Variants in GPR137B observed in about 807,000 individuals in gnomAD.
GPR137B encodes the protein integral membrane protein GPR137B.
GPR137B carries 42 observed loss-of-function variants against 42.5 expected under a neutral mutation model. The ratio of observed to expected loss-of-function variants is 0.99; its 90% CI spans 0.77 to 1.28. The LOEUF (loss-of-function observed/expected upper bound fraction) is 1.28, where lower values mean the gene tolerates loss of function less well. Among genes scored for constraint, GPR137B ranks in the 50% most tolerant of loss-of-function variants. The pLI is 0.00. For synonymous variants in GPR137B, 218 were observed against 209.7 expected (o/e 1.04, Z -0.34); for missense variants, 487 against 493.9 (o/e 0.99, Z 0.13).
chr1:236,190,372 T>C (rs893372167), intron 5 of GPR137B, among the ~76,000 whole-genome samples: 4 of 152,164 alleles, frequency 2.6e-5, no homozygotes, highest in Non-Finnish European at 5.9e-5. Flanking sequence ...GATCCTGACA[T>C]TATGATGTTA....
At chr1:236,149,032 C>T (rs75354573) in intron 1 of GPR137B, among the ~76,000 whole-genome samples, 2,311 of 152,232 alleles carry the variant, frequency 0.015, 54 homozygotes, top group African/African-American at 0.052. Flanking sequence ...TGCTCCTCTC[C>T]TCCCTTAGTT....
intron 2 of GPR137B, among the ~76,000 whole-genome samples, chr1:236,169,515 A>C (rs1662470900): frequency 6.6e-6 from 1 of 152,258 alleles, no homozygotes; most frequent in Admixed American, 6.5e-5. Flanking sequence ...GGCTTAACAC[A>C]AAGGCTTGCA....
intron 2 of GPR137B, among the ~76,000 whole-genome samples, chr1:236,174,643 A>G (rs963959740): frequency 2.6e-5 from 4 of 152,172 alleles, no homozygotes; most frequent in Non-Finnish European, 2.9e-5. Context: ...ATGAAAAGCT[A>G]TGGCACCTTT....
At chr1:236,178,295 C>T in intron 2 of GPR137B, 119 bp from the exon 3 acceptor site, 1 of 659,748 alleles carries the variant, frequency 1.5e-6, no homozygotes, top group Non-Finnish European at 2.7e-6. Flanking sequence ...TGCCAGAGTC[C>T]AAGCTCTTAA....
At position 236,142,942 on chromosome 1, in the gene GPR137B, A is replaced by G. The variant is rs149958426; in HGVS notation, c.320A>G (p.Asn107Ser). 10 of 1,614,068 alleles carry G rather than the reference A, an allele frequency of 6.2e-6. No homozygotes were observed. In the African/African-American group the frequency reaches 8.0e-5, roughly 13 times the overall value. Residue 107 changes from asparagine to serine, a missense_variant, in exon 1 of 7, where the codon AAT becomes AGT. By Grantham distance (46) the Asn-to-Ser change is conservative (BLOSUM62 1). Transcript: ENST00000366592. ...TACTTCAAAGACTTCGTGGCGGCCAATTCGCTCAGCCCCTTCGTCTTCTGG... is the reference window on the plus strand; with the variant it reads ...TACTTCAAAGACTTCGTGGCGGCCAGTTCGCTCAGCCCCTTCGTCTTCTGG... ...SFYFKDFVAA[N>S]SLSPFVFWLL...
chr1:236,192,815 C>T (rs1031005299), intron 5 of GPR137B, among the ~76,000 whole-genome samples: 3 of 152,094 alleles, frequency 2.0e-5, no homozygotes, highest in Non-Finnish European at 4.4e-5. Flanking sequence ...GTTTTTATCG[C>T]TGTATGACAT....
At chr1:236,146,308 C>T (rs1184467273) in intron 1 of GPR137B, among the ~76,000 whole-genome samples, 3 of 152,116 alleles carry the variant, frequency 2.0e-5, no homozygotes, top group Admixed American at 6.5e-5. Flanking sequence ...GTTATTGAAG[C>T]GTCAGGAGAC....
chr1:236,160,182 C>G (rs1174803153), intron 1 of GPR137B, among the ~76,000 whole-genome samples: 1 of 152,212 alleles, frequency 6.6e-6, no homozygotes, highest in Non-Finnish European at 1.5e-5. Flanking sequence ...TCTTCTTTCT[C>G]CTTCAGGCCT....
At chr1:236,203,067 GTTTC>G (rs2102926346) in intron 5 of GPR137B, among the ~76,000 whole-genome samples, 1 of 151,942 alleles carries the variant, frequency 6.6e-6, no homozygotes, top group African/African-American at 2.4e-5. Context: ...CTATGTGTCT[GTTTC>G]TTTTCTTTCT....
intron 5 of GPR137B, among the ~76,000 whole-genome samples, chr1:236,184,932 A>G (rs1223500580): frequency 7.9e-5 from 12 of 152,074 alleles, no homozygotes; most frequent in African/African-American, 2.9e-4. Context: ...ATGCCTGGGT[A>G]ATTTTTGTAT....
chr1:236,178,774 G>C (rs1266798359), intron 3 of GPR137B, 138 bp downstream of exon 3: 4 of 224,578 alleles, frequency 1.8e-5, no homozygotes, highest in Admixed American at 6.9e-5. Context: ...CCCACACAGG[G>C]GCTACTCGAG....
At chr1:236,199,905 G>A (rs991945362) in intron 5 of GPR137B, among the ~76,000 whole-genome samples, 6 of 151,748 alleles carry the variant, frequency 4.0e-5, no homozygotes, top group African/African-American at 1.5e-4. Context: ...TTTGGGTTTG[G>A]TTTGTTCTTG....
chr1:236,199,487 T>C (rs540038471), intron 5 of GPR137B, among the ~76,000 whole-genome samples: 1 of 152,326 alleles, frequency 6.6e-6, no homozygotes, highest in Non-Finnish European at 1.5e-5. Flanking sequence ...TCTTTGAATA[T>C]CTGATAGAAA....
In GPR137B at chr1:236,149,031, C is replaced by G. The variant is rs1423383302; in HGVS notation, c.414+5995C>G. On this transcript the variant is annotated intron_variant, in intron 1 of 6. Coordinates refer to ENST00000366592, the MANE Select transcript of GPR137B (RefSeq NM_003272.4). Reference sequence around the variant, plus strand: ...GTGTCCTGAATCCCTTTGCTCCTCTCCTCCCTTAGTTGAGATTCTCACTGT... The same window carrying G: ...GTGTCCTGAATCCCTTTGCTCCTCTGCTCCCTTAGTTGAGATTCTCACTGT... Among the ~76,000 whole-genome samples the G allele has an allele frequency of 6.6e-5, 10 of 152,140 alleles. No individual in the cohort carries two copies. The South Asian group carries it at 2.1e-3, about 32-fold the overall frequency.
chr1:236,170,973 CAAA>C (rs780390422), intron 2 of GPR137B, among the ~76,000 whole-genome samples: 12 of 83,006 alleles, frequency 1.4e-4, no homozygotes, highest in African/African-American at 1.4e-4. Context: ...GACTCTGTCT[CAAA>C]AAAAAAAAAA....
chr1:236,202,624 A>G lies in GPR137B; in HGVS notation c.967-2502A>G, dbSNP rs140285396. 5.3e-5 allele frequency among the ~76,000 whole-genome samples: 8 copies of G among 152,128 alleles called. No individual in the cohort carries two copies. The East Asian group carries it at 1.5e-3, about 29-fold the overall frequency. ...TTCCCCTCAAAGTATTTATATGTAAATAGAATAGATGAACAGAATCTAGAT... is the reference window on the plus strand; with the variant it reads ...TTCCCCTCAAAGTATTTATATGTAAGTAGAATAGATGAACAGAATCTAGAT... On this transcript the variant is annotated intron_variant, in intron 5 of 6. Transcript: ENST00000366592.
chr1:236,179,940 G>A lies in GPR137B; in HGVS notation c.749G>A (p.Arg250Gln), dbSNP rs148458111. The A allele has an allele frequency of 5.0e-6, 8 of 1,612,066 alleles. No individual in the cohort carries two copies. Among genetic ancestry groups the A allele is most frequent in the South Asian group, 3.3e-5 (3 of 90,862 alleles). Residue 250 changes from arginine to glutamine, a missense_variant, in exon 4 of 7, where the codon CGG (arginine) becomes CAG (glutamine). Coordinates refer to ENST00000366592, the MANE Select transcript of GPR137B (RefSeq NM_003272.4). ...ACCGTGATACTGCTTTACACCTCTC[G>A]GGCCTGCTACAACCTGTTCATCCTG... The part of the protein sequence containing the change: ...GVTVILLYTS[R>Q]ACYNLFILSF...
intron 1 of GPR137B, among the ~76,000 whole-genome samples, chr1:236,165,499 G>T (rs529528392): frequency 6.6e-6 from 1 of 152,304 alleles, no homozygotes; most frequent in Non-Finnish European, 1.5e-5. Context: ...TGTACTCAGT[G>T]CATTGCTTGA....
At chr1:236,179,119 A>C (rs1662795279) in intron 3 of GPR137B, among the ~76,000 whole-genome samples, 1 of 151,594 alleles carries the variant, frequency 6.6e-6, no homozygotes, top group Non-Finnish European at 1.5e-5. Flanking sequence ...TTAACAACAG[A>C]ACTGTGGTTT....
Sources: allele counts gnomAD v4.1 joint callset (sites outside exome capture counted in the v4.1 genomes callset), GRCh38; gene constraint gnomAD v4.1.1; transcripts MANE v1.5; gene names NCBI Gene and HGNC (gene_info 2026-07-23, HGNC 2026-07-21).